The following RASL10A variants were observed in gnomAD, a reference collection of about 807,000 sequenced individuals.
RASL10A encodes RAS like family 10 member A.
RASL10A carries 13 observed loss-of-function variants against 17.3 expected under a neutral mutation model. That is an observed-to-expected ratio of 0.75 (90% CI 0.49 to 1.20). The LOEUF is 1.20. RASL10A is among the 50% of genes most tolerant of loss of function. The pLI, the probability that RASL10A is intolerant of heterozygous loss-of-function variation, is 0.00. For synonymous variants in RASL10A, 159 were observed against 142.2 expected, an observed-to-expected ratio of 1.12 and a Z score of -0.84; for missense variants, 307 against 310.3, an observed-to-expected ratio of 0.99 and a Z score of 0.08.
upstream of RASL10A, among the ~76,000 whole-genome samples, chr22:29,316,212 C>T (rs2061453421): frequency 6.6e-6 from 1 of 152,234 alleles, no homozygotes; most frequent in South Asian, 2.1e-4. Context: ...GAAACAGGCC[C>T]GAGAGGGGAA....
Position 29,314,150 on chromosome 22 carries a change from G to A in RASL10A, c.220-163C>T, listed in dbSNP as rs1602661896. On this transcript the variant is annotated intron_variant, in intron 1 of 2. Transcript: ENST00000216101. Reference sequence around the variant, plus strand: ...CGGGCCGTCTCCTCATGACCACCAGGGTAAAATTTTCCAAATCGTGCCTGG... The same window carrying A: ...CGGGCCGTCTCCTCATGACCACCAGAGTAAAATTTTCCAAATCGTGCCTGG... The A allele has an allele frequency of 3.1e-6, 3 of 967,260 alleles. No homozygotes were observed. The South Asian group carries it at 5.4e-5, about 18-fold the overall frequency. 59.9% of individuals were successfully genotyped at this position (967,260 alleles called of 1,614,324 possible).
chr22:29,317,758 C>T (rs537959341), upstream of RASL10A, among the ~76,000 whole-genome samples: 4 of 152,130 alleles, frequency 2.6e-5, no homozygotes, highest in Non-Finnish European at 4.4e-5. Flanking sequence ...GATCTTGGCT[C>T]ACTGCAACCT....
At chr22:29,318,073 C>T (rs970652719), upstream of RASL10A, among the ~76,000 whole-genome samples, 1 of 152,226 alleles carries the variant, frequency 6.6e-6, no homozygotes, top group South Asian at 2.1e-4. Flanking sequence ...TTCCTTGCTT[C>T]TCCTTCCGAC....
At position 29,313,961 on chromosome 22, in the gene RASL10A, G is replaced by A; in HGVS notation, c.246C>T (p.Ser82=). The change falls in exon 2 of 3, where the codon AGC becomes AGT. Residue 82 remains serine, a synonymous_variant. Transcript: ENST00000216101. The part of the protein sequence containing the change: ...PEEWPDAKDW[S]LQDTDAFVLV... ...GCACGAAGGCGTCCGTGTCCTGCAA[G>A]CTCCAGTCCTTAGCGTCTGGCCACT... 3 of 1,613,812 alleles carry A rather than the reference G, an allele frequency of 1.9e-6. No individual in the cohort carries two copies. Among genetic ancestry groups the A allele is most frequent in the Non-Finnish European group, 2.5e-6 (3 of 1,180,032 alleles).
chr22:29,316,562 C>G (rs923129373), upstream of RASL10A, among the ~76,000 whole-genome samples: 2 of 152,216 alleles, frequency 1.3e-5, no homozygotes, highest in African/African-American at 2.4e-5. Flanking sequence ...CCCCCTCCCT[C>G]GAGCTAGTGG....
At position 29,313,269 on chromosome 22, in the gene RASL10A, G is replaced by A. The variant is rs1403929926; in HGVS notation, c.*32C>T. On this transcript the variant is annotated 3_prime_UTR_variant, in exon 3 of 3. Transcript: ENST00000216101. ...GGTCCCTGATTGTCCCAGTCACAAG[G>A]TGGGGCCCATGGATGGCACTGTCCG... 2 of 1,458,676 alleles carry A rather than the reference G, an allele frequency of 1.4e-6. No homozygotes were observed. Among genetic ancestry groups the A allele is most frequent in the African/African-American group, 1.5e-5 (1 of 68,696 alleles). 90.4% of individuals were successfully genotyped at this position (1,458,676 alleles called of 1,614,324 possible). A position where few individuals can be genotyped will look rare whatever the true frequency, so the allele number is the denominator to read the frequency against.
At chr22:29,314,221 C>G (rs1331628806) in intron 1 of RASL10A, 1 of 513,940 alleles carries the variant, frequency 1.9e-6, no homozygotes, top group South Asian at 2.5e-5. Flanking sequence ...CCTCTGTTTA[C>G]CCCGAATCTT....
At chr22:29,316,497 C>T (rs1333738800), upstream of RASL10A, among the ~76,000 whole-genome samples, 1 of 152,084 alleles carries the variant, frequency 6.6e-6, no homozygotes, top group African/African-American at 2.4e-5. Flanking sequence ...AGTTGCAACC[C>T]GTAGCGCCCC....
chr22:29,315,152 C>G lies in RASL10A; in HGVS notation c.95G>C (p.Arg32Pro), dbSNP rs1346793107. ...GCGCGGCCCGTCCGTGGGCCGGTGG[C>G]GCTCGGGGTAGTCACCGAACAGGAA... is the stretch of plus-strand genomic sequence containing the variant. ...RQFLFGDYPE[R>P]HRPTDGPRLY... is the part of the protein sequence containing the mutation. Residue 32 changes from arginine to proline, a missense_variant, in exon 1 of 3, where the codon CGC becomes CCC. Coordinates refer to ENST00000216101, the MANE Select transcript of RASL10A (RefSeq NM_006477.5). This position sits in a 1 kb window ranked among gnomAD's most constrained non-coding sequence, Gnocchi z 5.5. 1 of 1,535,292 alleles carries G rather than the reference C, an allele frequency of 6.5e-7. No homozygotes were observed. The highest frequency in any genetic ancestry group is 2.5e-5 in the East Asian group (1 of 39,232).
chr22:29,315,038 C>T lies in RASL10A; in HGVS notation c.209G>A (p.Gly70Glu). Residue 70 changes from glycine (G) to glutamate (E), a missense_variant, in exon 1 of 3, where the codon GGG (glycine) becomes GAG (glutamate). Physicochemically the swap from Gly to Glu is moderately conservative, Grantham distance 98. Transcript: ENST00000216101. The surrounding 1 kb of genome is among the most constrained non-coding windows in gnomAD (Gnocchi z 5.5). ...TCCTCGAGCCGCTACCTCCGGACCC[C>T]CGGGGCTCGAGCCGGGGCCAGCGAC... ...GDVAGPGSSP[G>E]GPEEWPDAKD... 1 of 1,510,996 alleles carries T rather than the reference C, an allele frequency of 6.6e-7. No individual in the cohort carries two copies. Among genetic ancestry groups the T allele is most frequent in the Non-Finnish European group, 8.8e-7 (1 of 1,134,450 alleles). The allele number at this position is 1,510,996 out of a possible 1,614,324, so 93.6% of individuals were successfully genotyped here.
chr22:29,318,050 T>C (rs1242732479), upstream of RASL10A, among the ~76,000 whole-genome samples: 1 of 152,180 alleles, frequency 6.6e-6, no homozygotes, highest in Non-Finnish European at 1.5e-5. Flanking sequence ...GGGTATTCTT[T>C]CTCTGAAAAA....
intron 1 of RASL10A, among the ~76,000 whole-genome samples, chr22:29,314,596 G>A (rs968737040): frequency 6.6e-6 from 1 of 151,992 alleles, no homozygotes; most frequent in Non-Finnish European, 1.5e-5. Context: ...CGCTCCAGGG[G>A]ACAAAAATGA....
intron 2 of RASL10A, 69 bp downstream of exon 2, chr22:29,313,793 CA>C: frequency 2.5e-6 from 4 of 1,591,422 alleles, no homozygotes; most frequent in Non-Finnish European, 3.4e-6. Context: ...AGACCCTACA[CA>C]CTCTCCTCAG....
In RASL10A at chr22:29,313,106, C is replaced by T; in HGVS notation, c.*195G>A. 1.6e-6 allele frequency: 1 copy of T among 626,642 alleles called. No homozygotes were observed. The highest frequency in any genetic ancestry group is 2.5e-6 in the Non-Finnish European group (1 of 401,850). The allele number at this position is 626,642 out of a possible 1,614,324, so 38.8% of individuals were successfully genotyped here. ...AAAGGACTGGTCATCTCCAATGGAG[C>T]TTGGGACCTGGTTGGGTCCAATGAG... On this transcript the variant is annotated 3_prime_UTR_variant, in exon 3 of 3. Coordinates refer to ENST00000216101, the MANE Select transcript of RASL10A (RefSeq NM_006477.5).
upstream of RASL10A, chr22:29,316,844 A>G (rs78445924): frequency 1.5e-5 from 2 of 137,864 alleles, no homozygotes; most frequent in Admixed American, 7.0e-5. Context: ...AGAAAACAGG[A>G]AAAAAAAAAA....
chr22:29,317,716 G>C (rs1026127632), upstream of RASL10A, among the ~76,000 whole-genome samples: 1 of 151,448 alleles, frequency 6.6e-6, no homozygotes, highest in Non-Finnish European at 1.5e-5. Context: ...ATGGAGTCTC[G>C]GTCTGTCACC....
chr22:29,314,051 G>A lies in RASL10A; in HGVS notation c.220-64C>T, dbSNP rs56135553. The A allele has an allele frequency of 8.3e-3, 13,288 of 1,595,096 alleles. 76 individuals carry two copies. The highest frequency in any genetic ancestry group is 0.011 in the Middle Eastern group (67 of 6,022). On this transcript the variant is annotated intron_variant, in intron 1 of 2. Transcript: ENST00000216101. The stretch of plus-strand genomic sequence containing the variant: ...CCACTCTTCCGCTCTCGAACCCTCT[G>A]CAGGGGCCTGGACGCTAATCCTCAG...
rs1050109335 is a variant in RASL10A, at chr22:29,315,360, G to T, written c.-114C>A. The T allele has an allele frequency of 2.2e-5, 14 of 646,008 alleles. No homozygotes were observed. The highest frequency in any genetic ancestry group is 3.0e-5 in the Non-Finnish European group (14 of 470,212). The allele number at this position is 646,008 out of a possible 1,614,324, so 40.0% of individuals were successfully genotyped here. On this transcript the variant is annotated 5_prime_UTR_variant, in exon 1 of 3. Transcript: ENST00000216101. This position sits in a 1 kb window ranked among gnomAD's most constrained non-coding sequence, Gnocchi z 5.5. ...CTGCCCGGTGCGCCACGGCCCCGTC[G>T]CGCTTCTCGTCGCCCCTCGGAGCAC...
At chr22:29,316,087 C>T (rs1906211200), upstream of RASL10A, among the ~76,000 whole-genome samples, 1 of 152,224 alleles carries the variant, frequency 6.6e-6, no homozygotes, top group Non-Finnish European at 1.5e-5. Flanking sequence ...CCATCACAGG[C>T]AGACTCCTCA....
Sources: gnomAD v4.1 joint callset for allele counts (sites outside exome capture counted in the v4.1 genomes callset) on GRCh38, gnomAD v4.1.1 for gene constraint, Gnocchi (gnomAD v3.1) non-coding constraint, MANE v1.5 for transcripts, NCBI Gene and HGNC (gene_info 2026-07-23, HGNC 2026-07-21) for gene names.